Variants in SATB2 observed in about 807,000 individuals in gnomAD.
The protein encoded by SATB2 is SATB homeobox 2.
A neutral mutation model predicts 73.4 loss-of-function variants in SATB2; 1 was observed. That is an observed-to-expected ratio of 0.01 (90% confidence interval 0.00 to 0.06). The LOEUF (loss-of-function observed/expected upper bound fraction) is 0.06, where lower values mean the gene tolerates loss of function less well. Among genes scored for constraint, SATB2 ranks in the 10% least tolerant of loss-of-function variants. The pLI, the probability that SATB2 is intolerant of heterozygous loss-of-function variation, is 1.00. For synonymous variants in SATB2, 397 were observed against 367.0 expected, an observed-to-expected ratio of 1.08 and a Z score of -0.93; for missense variants, 459 against 945.8, an observed-to-expected ratio of 0.49 and a Z score of 6.75.
chr2:199,440,874 G>T (rs1450018814), intron 2 of SATB2, among the ~76,000 whole-genome samples: 1 of 147,586 alleles, frequency 6.8e-6, no homozygotes, highest in Non-Finnish European at 1.5e-5. Context: ...TTTTTAGATG[G>T]AATTTCACTC....
At chr2:199,434,740 T>A (rs569700042) in intron 2 of SATB2, among the ~76,000 whole-genome samples, 3 of 152,082 alleles carry the variant, frequency 2.0e-5, no homozygotes, top group African/African-American at 7.2e-5. Context: ...CCCTGACACA[T>A]AGAATGCATA....
At chr2:199,382,685 C>A (rs180955431) in intron 3 of SATB2, among the ~76,000 whole-genome samples, 1 of 151,918 alleles carries the variant, frequency 6.6e-6, no homozygotes. Flanking sequence ...ACAGGGCACA[C>A]GTAACATTGA....
intron 2 of SATB2, among the ~76,000 whole-genome samples, chr2:199,438,415 C>T (rs1431506098): frequency 1.3e-5 from 2 of 152,172 alleles, no homozygotes; most frequent in Non-Finnish European, 2.9e-5. Flanking sequence ...CTTAGGAGTC[C>T]TGAAGACAGA....
intron 3 of SATB2, among the ~76,000 whole-genome samples, chr2:199,400,654 G>A (rs1690444130): frequency 1.3e-5 from 2 of 152,314 alleles, no homozygotes; most frequent in South Asian, 4.1e-4. Flanking sequence ...CAAATACAGA[G>A]CTAAGATTTA....
intron 6 of SATB2, among the ~76,000 whole-genome samples, chr2:199,366,453 G>T (rs979880341): frequency 6.6e-6 from 1 of 151,986 alleles, no homozygotes; most frequent in East Asian, 1.9e-4. Context: ...TCTGAGGGTC[G>T]AAAGTTAATA....
At chr2:199,343,004 T>C (rs1162112459) in intron 7 of SATB2, among the ~76,000 whole-genome samples, 1 of 152,224 alleles carries the variant, frequency 6.6e-6, no homozygotes, top group African/African-American at 2.4e-5. Flanking sequence ...TTATTTATTA[T>C]GAATTTAAGT....
chr2:199,394,978 G>A (rs900020636), intron 3 of SATB2, among the ~76,000 whole-genome samples: 1 of 151,936 alleles, frequency 6.6e-6, no homozygotes, highest in African/African-American at 2.4e-5. Flanking sequence ...ATTTCATGTT[G>A]TTTTATTTTG....
chr2:199,323,476 T>TACACAC (rs1553546876), intron 9 of SATB2, among the ~76,000 whole-genome samples: 10 of 142,848 alleles, frequency 7.0e-5, no homozygotes, highest in Admixed American at 2.1e-4. Flanking sequence ...GTTTTGTTCA[T>TACACAC]ACACACACAC....
At chr2:199,307,645 A>G (rs1215564738) in intron 10 of SATB2, among the ~76,000 whole-genome samples, 1 of 152,208 alleles carries the variant, frequency 6.6e-6, no homozygotes, top group Non-Finnish European at 1.5e-5. Context: ...ACCAATGATA[A>G]CACAAAAGCA....
rs1343963342 is a variant in SATB2 at position 199,280,256 on chromosome 2, TCTTTA to T, written c.1741-7589_1741-7585del. ...ATACCCTTGTGATTTCCTATGCCTG[TCTTTA>T]CTTTAATCTCTTAATCCCATCATCT... On this transcript the variant is annotated intron_variant, in intron 10 of 10. Transcript: ENST00000417098. Among the ~76,000 whole-genome samples the T allele has an allele frequency of 6.6e-5, 10 of 152,324 alleles. No individual in the cohort carries two copies. In the South Asian group the frequency reaches 1.7e-3, roughly 25 times the overall value.
chr2:199,319,698 T>C (rs1687831962), intron 9 of SATB2, among the ~76,000 whole-genome samples: 1 of 151,796 alleles, frequency 6.6e-6, no homozygotes, highest in Non-Finnish European at 1.5e-5. Flanking sequence ...AACAATCACA[T>C]ATGTAGTGTT....
At chr2:199,442,985 T>C (rs1345211271) in intron 2 of SATB2, among the ~76,000 whole-genome samples, 3 of 151,924 alleles carry the variant, frequency 2.0e-5, no homozygotes, top group African/African-American at 7.3e-5. Flanking sequence ...TTTCTGTCCT[T>C]TGTTAAGTAA....
intron 10 of SATB2, among the ~76,000 whole-genome samples, chr2:199,273,894 G>T (rs1354969365): frequency 6.6e-6 from 1 of 152,162 alleles, no homozygotes; most frequent in Non-Finnish European, 1.5e-5. Context: ...AGGACTTTGT[G>T]GAGGGGGAGA....
At chr2:199,460,664 G>T (rs1361664840), upstream of SATB2, 1 of 152,380 alleles carries the variant, frequency 6.6e-6, no homozygotes, top group East Asian at 1.9e-4. The surrounding 1 kb of genome is among the most constrained non-coding windows in gnomAD (Gnocchi z 4.0). Context: ...AAACACCACT[G>T]TCTGAAGATC....
chr2:199,327,359 T>C (rs913014390), intron 8 of SATB2, among the ~76,000 whole-genome samples: 3 of 152,146 alleles, frequency 2.0e-5, no homozygotes, highest in Non-Finnish European at 4.4e-5. Flanking sequence ...GAGAATCACT[T>C]GAACCTGAGA....
intron 3 of SATB2, among the ~76,000 whole-genome samples, chr2:199,390,237 TGTGG>T (rs1033671625): frequency 2.6e-5 from 4 of 152,018 alleles, no homozygotes; most frequent in African/African-American, 9.7e-5. Context: ...TGAAAAAAAA[TGTGG>T]TTGGTGTTTA....
intron 3 of SATB2, among the ~76,000 whole-genome samples, chr2:199,406,807 C>T (rs1447245191): frequency 2.6e-5 from 4 of 151,820 alleles, no homozygotes; most frequent in Admixed American, 2.6e-4. Flanking sequence ...TGGATGAAAT[C>T]ATGTTAGGGG....
At chr2:199,306,544 C>T (rs1252113063) in intron 10 of SATB2, among the ~76,000 whole-genome samples, 3 of 152,052 alleles carry the variant, frequency 2.0e-5, no homozygotes, top group Non-Finnish European at 2.9e-5. Context: ...ATGTTGATAG[C>T]CACAAGATGC....
At chr2:199,379,682 C>CTTTTTTTTTTT (rs71015899) in intron 5 of SATB2, among the ~76,000 whole-genome samples, 12 of 108,232 alleles carry the variant, frequency 1.1e-4, no homozygotes, top group South Asian at 3.2e-4. Context: ...CTTTTCTTTT[C>CTTTTTTTTTTT]TTTTTTTTTT....
Sources: gnomAD v4.1 joint callset for allele counts (sites outside exome capture counted in the v4.1 genomes callset) on GRCh38, gnomAD v4.1.1 for gene constraint, Gnocchi (gnomAD v3.1) non-coding constraint, MANE v1.5 for transcripts, NCBI Gene and HGNC (gene_info 2026-07-23, HGNC 2026-07-21) for gene names.